The following RASAL1 variants were observed in gnomAD, a reference collection of about 807,000 sequenced individuals.
RASAL1 encodes the protein rasGAP-activating-like protein 1.
RASAL1 carries 72 observed loss-of-function variants against 96.6 expected under a neutral mutation model. The observed-to-expected ratio is 0.75, with a 90% confidence interval of 0.62 to 0.91. The LOEUF is 0.91. Ranked by LOEUF, RASAL1 falls within the 40% of genes least tolerant of loss-of-function variation. The pLI is 0.00. For synonymous variants in RASAL1, 405 were observed against 430.4 expected, an observed-to-expected ratio of 0.94 and a Z score of 0.73; for missense variants, 1,016 against 1,072.5, an observed-to-expected ratio of 0.95 and a Z score of 0.74.
chr12:113,109,963 G>C (rs907964745), intron 13 of RASAL1, among the ~76,000 whole-genome samples: 5 of 152,248 alleles, frequency 3.3e-5, no homozygotes, highest in African/African-American at 1.2e-4. Flanking sequence ...GCCGGAGGAA[G>C]TCCCTGCTCC....
intron 1 of RASAL1, among the ~76,000 whole-genome samples, chr12:113,132,895 G>A (rs937201587): frequency 6.6e-6 from 1 of 152,144 alleles, no homozygotes; most frequent in Non-Finnish European, 1.5e-5. Context: ...TTCCTCTTCT[G>A]GCTCCATCCC....
chr12:113,126,995 AAT>A (rs1427227157), intron 4 of RASAL1, among the ~76,000 whole-genome samples: 4 of 148,224 alleles, frequency 2.7e-5, no homozygotes, highest in East Asian at 1.9e-4. Context: ...ATTATATATA[AAT>A]ATGTTATATG....
intron 16 of RASAL1, 57 bp from the exon 17 acceptor site, chr12:113,104,355 C>T (rs1950571886): frequency 6.7e-7 from 1 of 1,489,144 alleles, no homozygotes. Context: ...GGGGTGGGGA[C>T]ACCTTCCGTC....
At chr12:113,135,867 C>T (rs971798661), upstream of RASAL1, 38 of 183,220 alleles carry the variant, frequency 2.1e-4, no homozygotes, top group Admixed American at 3.4e-4. The surrounding 1 kb of genome is among the most constrained non-coding windows in gnomAD (Gnocchi z 5.7). Flanking sequence ...ACCGGCACCC[C>T]AGTCATGCGC....
chr12:113,117,802 T>A (rs1951143559), intron 7 of RASAL1, among the ~76,000 whole-genome samples: 1 of 152,216 alleles, frequency 6.6e-6, no homozygotes, highest in South Asian at 2.1e-4. Flanking sequence ...TTCGTATAAA[T>A]GGAATCATAT....
At chr12:113,111,426 T>C (rs1476658878) in intron 13 of RASAL1, among the ~76,000 whole-genome samples, 2 of 152,184 alleles carry the variant, frequency 1.3e-5, no homozygotes, top group Non-Finnish European at 2.9e-5. Context: ...TTAAGCTCTC[T>C]GGGCCTCAGT....
intron 15 of RASAL1, 134 bp downstream of exon 15, chr12:113,106,963 T>G: frequency 9.8e-7 from 1 of 1,020,082 alleles, no homozygotes; most frequent in Non-Finnish European, 1.4e-6. Context: ...ACAGTAAGTA[T>G]CAGGAAATGT....
chr12:113,124,332 G>A (rs752762573), intron 4 of RASAL1, among the ~76,000 whole-genome samples: 2 of 151,586 alleles, frequency 1.3e-5, no homozygotes, highest in Admixed American at 1.3e-4. Context: ...ATTGAGTCCC[G>A]CCAGCTGCTG....
Position 113,114,820 on chromosome 12 carries a change from C to G in RASAL1, c.1161G>C (p.Lys387Asn). The change falls in exon 12 of 21, where the codon AAG (lysine) becomes AAC (asparagine). Residue 387 changes from lysine to asparagine, a missense_variant. Transcript: ENST00000548055. The part of the protein sequence containing the change: ...EKKYMELDPC[K>N]MDLGRTRRIS... Reference sequence around the variant, plus strand: ...CTCACCGGGTGCGGCCCAGGTCCATCTTGCAGGGATCCAGCTCCATGTACT... The same window carrying G: ...CTCACCGGGTGCGGCCCAGGTCCATGTTGCAGGGATCCAGCTCCATGTACT... The G allele has an allele frequency of 1.2e-6, 2 of 1,614,094 alleles. No individual in the cohort carries two copies. Among genetic ancestry groups the G allele is most frequent in the South Asian group, 2.2e-5 (2 of 91,080 alleles).
intron 4 of RASAL1, among the ~76,000 whole-genome samples, chr12:113,125,609 T>C (rs1484460911): frequency 6.6e-6 from 1 of 152,176 alleles, no homozygotes; most frequent in Admixed American, 6.5e-5. Context: ...GCGGTGGTGT[T>C]TACAACTAAT....
intron 6 of RASAL1, 29 bp downstream of exon 6, chr12:113,119,333 C>G (rs758916085): frequency 1.9e-6 from 3 of 1,613,196 alleles, no homozygotes; most frequent in Non-Finnish European, 2.5e-6. Context: ...ATGCCCCACT[C>G]CTTCCTGGCT....
rs1951032728 is a variant in RASAL1, at chr12:113,115,274, C to T, written c.1004-10G>A. The T allele has an allele frequency of 1.9e-6, 3 of 1,611,532 alleles. No homozygotes were observed. The highest frequency in any genetic ancestry group is 1.3e-5 in the African/African-American group (1 of 74,828). Reference sequence around the variant, plus strand: ...AGGGTGTTGGGGTCCACTGGGAGGACAGGAGGAAGTGTTTGCTGGGATTTA... The same window carrying T: ...AGGGTGTTGGGGTCCACTGGGAGGATAGGAGGAAGTGTTTGCTGGGATTTA... On this transcript the variant is annotated splice_polypyrimidine_tract_variant and intron_variant, in intron 10 of 20. Transcript: ENST00000548055. This position sits in a 1 kb window ranked among gnomAD's most constrained non-coding sequence, Gnocchi z 4.1.
Position 113,130,767 on chromosome 12 carries a change from G to A in RASAL1, c.122+118C>T. ...CTGGACACAAATCACCCACCTGCAG[G>A]CCCGCGAGTCCCCCTCAGGGTAAGC... On this transcript the variant is annotated intron_variant, in intron 2 of 20. Transcript: ENST00000548055. This position sits in a 1 kb window ranked among gnomAD's most constrained non-coding sequence, Gnocchi z 5.1. 2.6e-6 allele frequency: 2 copies of A among 783,546 alleles called. No individual in the cohort carries two copies. The allele number at this position is 783,546 out of a possible 1,614,324, so 48.5% of individuals were successfully genotyped here.
upstream of RASAL1, among the ~76,000 whole-genome samples, chr12:113,136,439 A>G (rs1468797047): frequency 6.6e-6 from 1 of 152,196 alleles, no homozygotes; most frequent in Non-Finnish European, 1.5e-5. Context: ...CCAGATGTGC[A>G]CTACACACTA....
Position 113,135,028 on chromosome 12 carries a change from C to T in RASAL1, c.65+370G>A, listed in dbSNP as rs943133540. ...CCCCCACCCACGCCTGGAGGAGCCA[C>T]CTCCAACATCTGCCTGGACTAAGGA... On this transcript the variant is annotated intron_variant, in intron 1 of 20. Transcript: ENST00000548055. This position sits in a 1 kb window ranked among gnomAD's most constrained non-coding sequence, Gnocchi z 5.7. Among the ~76,000 whole-genome samples the T allele has an allele frequency of 2.0e-5, 3 of 152,046 alleles. No homozygotes were observed. The highest frequency in any genetic ancestry group is 4.4e-5 in the Non-Finnish European group (3 of 67,980).
chr12:113,119,157 T>C lies in RASAL1; in HGVS notation c.613A>G (p.Met205Val), dbSNP rs775401110. The C allele has an allele frequency of 6.2e-7, 1 of 1,613,292 alleles. No homozygotes were observed. The highest frequency in any genetic ancestry group is 1.1e-5 in the South Asian group (1 of 90,936). ...PLRVELWDWD[M>V]VGKNDFLGMV... Reference sequence around the variant, plus strand: ...CCCAAGAAGTCATTCTTGCCCACCATGTCCCAGTCCCAGAGCTCCACCCGC... The same window carrying C: ...CCCAAGAAGTCATTCTTGCCCACCACGTCCCAGTCCCAGAGCTCCACCCGC... Residue 205 changes from methionine (M) to valine (V), a missense_variant, in exon 7 of 21, where the codon ATG becomes GTG. Physicochemically the swap from Met to Val is conservative, Grantham distance 21. Coordinates refer to ENST00000548055, the MANE Select transcript of RASAL1 (RefSeq NM_001301202.2).
intron 18 of RASAL1, among the ~76,000 whole-genome samples, chr12:113,103,470 G>C (rs1950532401): frequency 6.6e-6 from 1 of 152,048 alleles, no homozygotes; most frequent in Admixed American, 6.5e-5. Flanking sequence ...GCTGGGTGCA[G>C]TGGTACGCAC....
Position 113,115,135 on chromosome 12 carries a change from G to T in RASAL1, c.1068+65C>A. 6.8e-7 allele frequency: 1 copy of T among 1,477,438 alleles called. No homozygotes were observed. Among genetic ancestry groups the T allele is most frequent in the Non-Finnish European group, 9.5e-7 (1 of 1,057,136 alleles). The allele number at this position is 1,477,438 out of a possible 1,614,324, so 91.5% of individuals were successfully genotyped here. ...GAAGCCAGCTAAGTGAGGGAGCCAG[G>T]TAGGCACTGGGAAGGAGGTACCCGA... On this transcript the variant is annotated intron_variant, in intron 11 of 20. Transcript: ENST00000548055. This position sits in a 1 kb window ranked among gnomAD's most constrained non-coding sequence, Gnocchi z 4.1.
At chr12:113,131,015 C>T in intron 1 of RASAL1, 74 bp from the exon 2 acceptor site, 1 of 1,168,470 alleles carries the variant, frequency 8.6e-7, no homozygotes, top group Non-Finnish European at 1.3e-6. Flanking sequence ...AGTCATGACA[C>T]AGGCAGGGGA....
Sources: allele counts gnomAD v4.1 joint callset (sites outside exome capture counted in the v4.1 genomes callset), GRCh38; gene constraint gnomAD v4.1.1; non-coding constraint Gnocchi (gnomAD v3.1); transcripts MANE v1.5; gene names NCBI Gene and HGNC (gene_info 2026-07-23, HGNC 2026-07-21).